TRIM37: variants seen among roughly 807,000 people sequenced by gnomAD.
TRIM37 encodes E3 ubiquitin-protein ligase TRIM37.
In TRIM37, 80 loss-of-function variants were observed where a neutral mutation model predicts 129.8. The ratio of observed to expected loss-of-function variants is 0.62; its 90% confidence interval spans 0.51 to 0.74. The LOEUF (loss-of-function observed/expected upper bound fraction) is 0.74. Among genes scored for constraint, TRIM37 ranks in the 30% least tolerant of loss-of-function variants. TRIM37 has a pLI of 0.00. For synonymous variants in TRIM37, 389 were observed against 387.1 expected (o/e 1.00, Z -0.06); for missense variants, 1,054 against 1,176.5 (o/e 0.90, Z 1.52).
At chr17:59,029,621 G>A (rs985775362) in intron 18 of TRIM37, among the ~76,000 whole-genome samples, 16 of 152,170 alleles carry the variant, frequency 1.1e-4, no homozygotes, top group African/African-American at 2.2e-4. Flanking sequence ...AGCAGGCCAC[G>A]TGCAGTGGCT....
intron 13 of TRIM37, among the ~76,000 whole-genome samples, chr17:59,054,521 T>C (rs769696296): frequency 5.3e-5 from 8 of 152,072 alleles, no homozygotes; most frequent in Non-Finnish European, 1.0e-4. Flanking sequence ...AGGCTGATCT[T>C]GAACTCCTGA....
intron 17 of TRIM37, among the ~76,000 whole-genome samples, chr17:59,038,299 G>C (rs2038780201): frequency 6.6e-6 from 1 of 152,022 alleles, no homozygotes; most frequent in Non-Finnish European, 1.5e-5. Flanking sequence ...TCATATTCTA[G>C]CTAATTGTTC....
intron 19 of TRIM37, among the ~76,000 whole-genome samples, chr17:59,019,065 T>C (rs1219797599): frequency 6.6e-6 from 1 of 152,202 alleles, no homozygotes. Flanking sequence ...TATAAAATGA[T>C]GCAGCTACTT....
At chr17:58,971,431 C>G in the TRIM37 span, among the ~76,000 whole-genome samples, 1 of 152,156 alleles carries the variant, frequency 6.6e-6, no homozygotes, top group Non-Finnish European at 1.5e-5. Flanking sequence ...ATGGGGATGT[C>G]ATTTTCGTAT....
intron 17 of TRIM37, among the ~76,000 whole-genome samples, chr17:59,036,445 GGGGT>G (rs1294916897): frequency 1.2e-4 from 14 of 117,634 alleles, no homozygotes; most frequent in African/African-American, 4.8e-4. Context: ...GTATTTGCTG[GGGGT>G]GTGTGTGTGT....
intron 19 of TRIM37, among the ~76,000 whole-genome samples, chr17:59,027,970 A>C (rs569978091): frequency 6.6e-6 from 1 of 152,288 alleles, no homozygotes; most frequent in Non-Finnish European, 1.5e-5. Context: ...AATAGCTGCC[A>C]CCTTCCTAAA....
At chr17:59,094,047 G>C (rs926873449) in intron 2 of TRIM37, among the ~76,000 whole-genome samples, 1 of 151,910 alleles carries the variant, frequency 6.6e-6, no homozygotes, top group Non-Finnish European at 1.5e-5. Context: ...GGCATGCGAC[G>C]CCACACCCAG....
chr17:59,088,250 CA>C, intron 4 of TRIM37, 40 bp downstream of exon 4: 1 of 1,380,798 alleles, frequency 7.2e-7, no homozygotes, highest in Non-Finnish European at 1.0e-6. Context: ...AATACAAAGG[CA>C]AAATCCATTC....
At chr17:59,077,208 C>T (rs1163489832) in intron 7 of TRIM37, among the ~76,000 whole-genome samples, 1 of 152,010 alleles carries the variant, frequency 6.6e-6, no homozygotes, top group Non-Finnish European at 1.5e-5. Flanking sequence ...GATCCTCCCA[C>T]CTCAGCCTCC....
chr17:59,011,956 C>T (rs551155493), intron 22 of TRIM37, among the ~76,000 whole-genome samples: 5 of 152,254 alleles, frequency 3.3e-5, no homozygotes, highest in African/African-American at 1.2e-4. Flanking sequence ...AATTCGATGC[C>T]TGGTATGTAG....
intron 7 of TRIM37, 37 bp from the exon 8 acceptor site, chr17:59,075,751 A>G (rs765088425): frequency 6.9e-7 from 1 of 1,454,892 alleles, no homozygotes; most frequent in South Asian, 1.1e-5. Context: ...ACTTGGGTTC[A>G]TTATTGGTTT....
At chr17:59,008,943 T>A (rs2034892014) in intron 22 of TRIM37, among the ~76,000 whole-genome samples, 1 of 152,174 alleles carries the variant, frequency 6.6e-6, no homozygotes, top group Admixed American at 6.6e-5. Context: ...CACGTAACTC[T>A]TCATGATCTG....
intron 13 of TRIM37, among the ~76,000 whole-genome samples, chr17:59,054,781 TG>T (rs1245421679): frequency 2.0e-5 from 3 of 152,098 alleles, no homozygotes; most frequent in African/African-American, 7.2e-5. Context: ...TCTCCTGCCT[TG>T]GCCTCCTGAG....
intron 7 of TRIM37, among the ~76,000 whole-genome samples, chr17:59,078,338 A>G (rs1436811087): frequency 6.6e-6 from 1 of 152,186 alleles, no homozygotes; most frequent in African/African-American, 2.4e-5. Context: ...GAAAGCCACA[A>G]AAGCAGGGCA....
the TRIM37 span, among the ~76,000 whole-genome samples, chr17:58,976,332 A>C: frequency 6.6e-6 from 1 of 152,288 alleles, no homozygotes; most frequent in Admixed American, 6.5e-5. Context: ...AGAAAATTCA[A>C]GCCTGATCAA....
the TRIM37 span, among the ~76,000 whole-genome samples, chr17:58,976,988 AT>A: frequency 1.3e-5 from 2 of 152,110 alleles, no homozygotes; most frequent in African/African-American, 4.8e-5. Context: ...ATTGGATTTT[AT>A]TTATTATTTA....
intron 22 of TRIM37, among the ~76,000 whole-genome samples, chr17:59,007,536 C>G (rs1277660642): frequency 6.6e-6 from 1 of 152,084 alleles, no homozygotes; most frequent in African/African-American, 2.4e-5. Flanking sequence ...CCTGATTTAA[C>G]TGAAGGGGGT....
At chr17:59,084,970 G>C (rs1028677901) in intron 4 of TRIM37, among the ~76,000 whole-genome samples, 1 of 152,192 alleles carries the variant, frequency 6.6e-6, no homozygotes, top group African/African-American at 2.4e-5. Flanking sequence ...TCAGTTAGCA[G>C]TATTGTTATG....
intron 9 of TRIM37, among the ~76,000 whole-genome samples, chr17:59,068,789 T>C (rs894302721): frequency 1.3e-5 from 2 of 152,192 alleles, no homozygotes; most frequent in Non-Finnish European, 1.5e-5. Flanking sequence ...CTTCTGTTTA[T>C]AGGACTGTGG....
Sources: allele counts gnomAD v4.1 joint callset (sites outside exome capture counted in the v4.1 genomes callset), GRCh38; gene constraint gnomAD v4.1.1; transcripts MANE v1.5; gene names NCBI Gene and HGNC (gene_info 2026-07-23, HGNC 2026-07-21).